The following C5orf22 variants were observed in gnomAD, a reference collection of about 807,000 sequenced individuals.
C5orf22 encodes chromosome 5 open reading frame 22, also known as UPF0489 protein C5orf22.
In C5orf22, 36 loss-of-function variants were observed where a neutral mutation model predicts 48.7. That is an observed-to-expected ratio of 0.74 (90% CI 0.57 to 0.98). The LOEUF is 0.98. C5orf22 is among the 50% of genes least tolerant of loss of function. The pLI, the probability that C5orf22 is intolerant of heterozygous loss-of-function variation, is 0.00. For synonymous variants in C5orf22, 141 were observed against 180.8 expected, an observed-to-expected ratio of 0.78 and a Z score of 1.76; for missense variants, 486 against 521.9, an observed-to-expected ratio of 0.93 and a Z score of 0.67.
intron 6 of C5orf22, among the ~76,000 whole-genome samples, chr5:31,544,376 G>A (rs1267711910): frequency 1.3e-5 from 2 of 152,166 alleles, no homozygotes; most frequent in Non-Finnish European, 2.9e-5. Flanking sequence ...GAGGTCAGGA[G>A]ATCGAAACCA....
At chr5:31,551,563 A>T (rs1227399678) in intron 8 of C5orf22, 131 bp downstream of exon 8, 1 of 693,828 alleles carries the variant, frequency 1.4e-6, no homozygotes, top group Admixed American at 3.1e-5. Context: ...TTGAGATGAG[A>T]TTATCCTGGA....
chr5:31,533,816 C>G (rs906432108), intron 1 of C5orf22, among the ~76,000 whole-genome samples: 14 of 152,018 alleles, frequency 9.2e-5, no homozygotes, highest in Admixed American at 8.5e-4. Flanking sequence ...GTGGGAGGAT[C>G]GTGTGAACCC....
intron 5 of C5orf22, 94 bp downstream of exon 5, chr5:31,541,105 AGTGTGT>A (rs35650579): frequency 0.044 from 29,169 of 670,168 alleles, 463 homozygotes; most frequent in African/African-American, 0.14. Flanking sequence ...GACTGCTCAA[AGTGTGT>A]GTGTGTGTGT....
intron 4 of C5orf22, 24 bp downstream of exon 4, chr5:31,538,713 A>AAT: frequency 1.3e-6 from 2 of 1,540,624 alleles, no homozygotes; most frequent in Non-Finnish European, 1.8e-6. Context: ...TTTTTAACAC[A>AAT]TAGATCTTGA....
At chr5:31,545,617 TTTAA>T (rs768807638) in intron 6 of C5orf22, 25 bp from the exon 7 acceptor site, 1 of 1,556,672 alleles carries the variant, frequency 6.4e-7, no homozygotes, top group South Asian at 1.1e-5. Context: ...GGTTGTGATG[TTTAA>T]TTGAGTGGGA....
At chr5:31,534,669 C>A in intron 2 of C5orf22, 1 of 426,548 alleles carries the variant, frequency 2.3e-6, no homozygotes, top group Non-Finnish European at 4.2e-6. Flanking sequence ...AGTGTGAAAG[C>A]AATCACAAGC....
intron 3 of C5orf22, among the ~76,000 whole-genome samples, chr5:31,537,358 C>T (rs1742160464): frequency 6.6e-6 from 1 of 152,172 alleles, no homozygotes; most frequent in South Asian, 2.1e-4. Context: ...CATGGGAGAA[C>T]TGCTGTTATT....
intron 4 of C5orf22, among the ~76,000 whole-genome samples, chr5:31,539,744 T>C (rs1742335257): frequency 6.6e-6 from 1 of 152,214 alleles, no homozygotes; most frequent in South Asian, 2.1e-4. Context: ...TTTTTTTTTT[T>C]CTTAAGAGCA....
At position 31,537,914 on chromosome 5, in the gene C5orf22, T is replaced by C. The variant is rs532473968; in HGVS notation, c.378-346T>C. ...CTCTAGAATATTGCCCCTGTCCTTA[T>C]AGTCCAGGGTGGCTTGCCACCTCTG... On this transcript the variant is annotated intron_variant, in intron 3 of 8. Transcript: ENST00000325366. Among the ~76,000 whole-genome samples, 7 of 152,376 alleles carry C rather than the reference T, an allele frequency of 4.6e-5. No individual in the cohort carries two copies. The East Asian group carries it at 1.4e-3, about 29-fold the overall frequency.
At chr5:31,535,643 C>G in intron 2 of C5orf22, 101 bp from the exon 3 acceptor site, 1 of 890,572 alleles carries the variant, frequency 1.1e-6, no homozygotes, top group Non-Finnish European at 1.6e-6. Context: ...CTCTAGGGAC[C>G]ACACTTTGAG....
intron 1 of C5orf22, among the ~76,000 whole-genome samples, chr5:31,533,423 A>G (rs914691404): frequency 2.6e-5 from 4 of 152,162 alleles, no homozygotes; most frequent in African/African-American, 9.7e-5. Context: ...AATATGTTTT[A>G]AAGTAGCATC....
At chr5:31,538,093 T>A in intron 3 of C5orf22, 167 bp from the exon 4 acceptor site, 2 of 600,788 alleles carry the variant, frequency 3.3e-6, no homozygotes, top group East Asian at 5.3e-5. Context: ...TGTGTCCAGC[T>A]AAGAATTTGA....
Position 31,552,952 on chromosome 5 carries a change from C to G in C5orf22, c.*50C>G. ...TTGTATCTTGGTTTAGTAACAGGCC[C>G]TTAATTAACTTATTTGTACATGAGT... On this transcript the variant is annotated 3_prime_UTR_variant, in exon 9 of 9. Coordinates refer to ENST00000325366, the MANE Select transcript of C5orf22 (RefSeq NM_018356.3). 1 of 1,554,118 alleles carries G rather than the reference C, an allele frequency of 6.4e-7. No homozygotes were observed. Among genetic ancestry groups the G allele is most frequent in the Non-Finnish European group, 8.8e-7 (1 of 1,135,024 alleles).
At chr5:31,546,345 A>C (rs1386158060) in intron 7 of C5orf22, among the ~76,000 whole-genome samples, 2 of 152,244 alleles carry the variant, frequency 1.3e-5, no homozygotes, top group Middle Eastern at 3.2e-3. Flanking sequence ...TGCCAGGGCT[A>C]AGACTTCCAA....
chr5:31,543,748 G>C (rs1180640367), intron 6 of C5orf22, among the ~76,000 whole-genome samples: 3 of 151,990 alleles, frequency 2.0e-5, no homozygotes, highest in Non-Finnish European at 4.4e-5. Context: ...GAAGTCTCAA[G>C]CTAAGTTTAA....
At chr5:31,541,165 G>GGTTA in intron 5 of C5orf22, 116 bp from the exon 6 acceptor site, 2 of 1,083,300 alleles carry the variant, frequency 1.8e-6, no homozygotes, top group South Asian at 3.0e-5. Context: ...CGAAGCCCAT[G>GGTTA]GTTAGTACTT....
chr5:31,551,535 G>A, intron 8 of C5orf22, 103 bp downstream of exon 8: 1 of 877,938 alleles, frequency 1.1e-6, no homozygotes, highest in South Asian at 1.7e-5. Flanking sequence ...AATTCGCAGT[G>A]TGATTAACTC....
In C5orf22 at chr5:31,552,849, C is replaced by G; in HGVS notation, c.1276C>G (p.Leu426Val). The change falls in exon 9 of 9, where the codon CTC becomes GTC. Residue 426 changes from leucine (L) to valine (V), a missense_variant. Coordinates refer to ENST00000325366, the MANE Select transcript of C5orf22 (RefSeq NM_018356.3). Reference protein sequence around the residue: ...QEKVLNMLRALYGNLDLQVYA... With the variant: ...QEKVLNMLRAVYGNLDLQVYA... ...AAAGGTCCTCAATATGCTACGTGCC[C>G]TCTATGGAAATCTAGACCTCCAAGT... 6.2e-7 allele frequency: 1 copy of G among 1,613,740 alleles called. No individual in the cohort carries two copies. Among genetic ancestry groups the G allele is most frequent in the Admixed American group, 1.7e-5 (1 of 60,018 alleles).
intron 3 of C5orf22, among the ~76,000 whole-genome samples, chr5:31,536,761 G>A (rs183517941): frequency 2.5e-3 from 386 of 152,110 alleles, no homozygotes; most frequent in African/African-American, 8.9e-3. Flanking sequence ...ACAATGTTTT[G>A]TGTATCTTGT....
Sources: allele counts gnomAD v4.1 joint callset (sites outside exome capture counted in the v4.1 genomes callset), GRCh38; gene constraint gnomAD v4.1.1; transcripts MANE v1.5; gene names NCBI Gene and HGNC (gene_info 2026-07-23, HGNC 2026-07-21).